The following CAMK2G variants were observed in gnomAD, a reference collection of about 807,000 sequenced individuals.
CAMK2G encodes calcium/calmodulin-dependent protein kinase type II subunit gamma.
Under a neutral mutation model 88.7 loss-of-function variants are expected in CAMK2G, and 23 were observed. The observed-to-expected ratio is 0.26, with a 90% confidence interval of 0.19 to 0.37. The LOEUF (loss-of-function observed/expected upper bound fraction) is 0.37. Among genes scored for constraint, CAMK2G ranks in the 10% least tolerant of loss-of-function variants. The pLI is 1.00. For missense variants in CAMK2G, 476 were observed against 780.8 expected (o/e 0.61, Z 4.65); for synonymous variants, 263 against 294.8 (o/e 0.89, Z 1.11).
rs770696711 is a variant in CAMK2G, at chr10:73,848,635, A to G, written c.518-26T>C. On this transcript the variant is annotated intron_variant, in intron 7 of 22. Transcript: ENST00000423381. The surrounding 1 kb of genome is among the most constrained non-coding windows in gnomAD (Gnocchi z 4.5). Reference sequence around the variant, plus strand: ...CTGTAGCAAAAGAGAGGGCAGAGGCATACTGAACCCACTTTCTCTCTCGTT... The same window carrying G: ...CTGTAGCAAAAGAGAGGGCAGAGGCGTACTGAACCCACTTTCTCTCTCGTT... The G allele has an allele frequency of 7.4e-6, 10 of 1,355,546 alleles. No homozygotes were observed. The East Asian group carries it at 2.3e-4, about 32-fold the overall frequency. 84.0% of individuals were successfully genotyped at this position (1,355,546 alleles called of 1,614,324 possible).
intron 1 of CAMK2G, 162 bp from the exon 2 acceptor site, chr10:73,873,245 C>T (rs1248267067): frequency 3.8e-6 from 4 of 1,056,766 alleles, no homozygotes; most frequent in Non-Finnish European, 5.5e-6. Flanking sequence ...CAACATGAGG[C>T]AAAAGGACGC....
At chr10:73,831,663 A>C (rs915184201) in intron 14 of CAMK2G, among the ~76,000 whole-genome samples, 12 of 150,766 alleles carry the variant, frequency 8.0e-5, no homozygotes, top group Non-Finnish European at 1.6e-4. Flanking sequence ...TGAGCTCAGG[A>C]GTTCAAGACT....
At chr10:73,832,625 C>A (rs1248754269) in intron 14 of CAMK2G, among the ~76,000 whole-genome samples, 1 of 152,066 alleles carries the variant, frequency 6.6e-6, no homozygotes, top group Non-Finnish European at 1.5e-5. Context: ...CCTTTATATA[C>A]CACTTCCTTC....
chr10:73,856,232 G>C (rs1003097324), intron 3 of CAMK2G, among the ~76,000 whole-genome samples: 3 of 152,208 alleles, frequency 2.0e-5, no homozygotes, highest in African/African-American at 4.8e-5. Flanking sequence ...TCTGACAGGA[G>C]AGGAAACTGA....
chr10:73,831,567 A>G (rs2092449089), intron 14 of CAMK2G, among the ~76,000 whole-genome samples: 1 of 148,228 alleles, frequency 6.7e-6, no homozygotes, highest in South Asian at 2.1e-4. Context: ...AAAGAAAGCA[A>G]TCTTTTAAGA....
chr10:73,851,809 G>A (rs1347627549), intron 5 of CAMK2G, among the ~76,000 whole-genome samples: 1 of 151,644 alleles, frequency 6.6e-6, no homozygotes, highest in African/African-American at 2.4e-5. Context: ...GCAGTGGCAT[G>A]ATCTTGGCTC....
At chr10:73,851,739 G>A (rs955306082) in intron 5 of CAMK2G, among the ~76,000 whole-genome samples, 16 of 81,676 alleles carry the variant, frequency 2.0e-4, no homozygotes, top group Non-Finnish European at 3.5e-4. Context: ...ATTTGGAAGT[G>A]ATTTTTTTTG....
intron 13 of CAMK2G, among the ~76,000 whole-genome samples, chr10:73,837,772 T>C (rs1209258375): frequency 6.6e-6 from 1 of 152,118 alleles, no homozygotes; most frequent in Non-Finnish European, 1.5e-5. Flanking sequence ...GAAACCATGC[T>C]CAGTACTGGA....
At chr10:73,851,683 G>C (rs2094627288) in intron 5 of CAMK2G, among the ~76,000 whole-genome samples, 1 of 150,372 alleles carries the variant, frequency 6.7e-6, no homozygotes, top group African/African-American at 2.5e-5. Flanking sequence ...AAGTATTTCT[G>C]GGGTCACAGG....
chr10:73,861,575 C>T (rs1049731846), intron 2 of CAMK2G, among the ~76,000 whole-genome samples: 6 of 152,098 alleles, frequency 3.9e-5, no homozygotes, highest in South Asian at 2.1e-4. Context: ...AGGTTGGTCT[C>T]GAACTCCTGA....
At chr10:73,857,664 C>A (rs1052134701) in intron 3 of CAMK2G, among the ~76,000 whole-genome samples, 1 of 152,172 alleles carries the variant, frequency 6.6e-6, no homozygotes, top group Admixed American at 6.5e-5. Flanking sequence ...GGCAGCTCAG[C>A]ACGAAGGAAG....
chr10:73,818,908 G>A (rs2086732657), intron 19 of CAMK2G: 1 of 443,182 alleles, frequency 2.3e-6, no homozygotes, highest in African/African-American at 2.0e-5. Flanking sequence ...AGAAATATGA[G>A]GATGAGCTAC....
At chr10:73,862,302 C>G (rs866419304) in intron 2 of CAMK2G, among the ~76,000 whole-genome samples, 10 of 135,374 alleles carry the variant, frequency 7.4e-5, no homozygotes, top group East Asian at 2.0e-4. Flanking sequence ...ACTCCACCCC[C>G]CCCCCCCCCG....
chr10:73,848,883 C>T lies in CAMK2G; in HGVS notation c.517+130G>A, dbSNP rs141761408. On this transcript the variant is annotated intron_variant, in intron 7 of 22. Transcript: ENST00000423381. This position sits in a 1 kb window ranked among gnomAD's most constrained non-coding sequence, Gnocchi z 4.5. Reference sequence around the variant, plus strand: ...CAGCTAGACTTACTGTACTGAGTCGCGTACGGCCAAGAGAGATCTCGGAGG... The same window carrying T: ...CAGCTAGACTTACTGTACTGAGTCGTGTACGGCCAAGAGAGATCTCGGAGG... 53 of 744,680 alleles carry T rather than the reference C, an allele frequency of 7.1e-5. No individual in the cohort carries two copies. In the East Asian group the frequency reaches 1.1e-3, roughly 15 times the overall value. The allele number at this position is 744,680 out of a possible 1,614,324, so 46.1% of individuals were successfully genotyped here.
At chr10:73,867,389 C>T (rs565085776) in intron 2 of CAMK2G, among the ~76,000 whole-genome samples, 10 of 152,404 alleles carry the variant, frequency 6.6e-5, no homozygotes, top group Non-Finnish European at 1.5e-4. Flanking sequence ...GGTCAGCCGT[C>T]TGTTCTCCAT....
chr10:73,873,381 AAC>A, intron 1 of CAMK2G: 1 of 1,275,716 alleles, frequency 7.8e-7, no homozygotes, highest in Non-Finnish European at 1.0e-6. Flanking sequence ...CGATGCTGAA[AAC>A]ACACACCTGC....
rs1554995765 is a variant in CAMK2G, at chr10:73,820,492, A to ATATATATTTTT, written c.1250-848_1250-847insAAAAATATATA. On this transcript the variant is annotated intron_variant, in intron 18 of 22. Coordinates refer to ENST00000423381, the MANE Select transcript of CAMK2G (RefSeq NM_001367534.1). The stretch of plus-strand genomic sequence containing the variant: ...TATATATATATATATATATATATAT[A>ATATATATTTTT]TTTTTTTTTTTTTTTTTTTCTTGAG... 3.3e-4 allele frequency among the ~76,000 whole-genome samples: 17 copies of ATATATATTTTT among 51,052 alleles called. 1 individual carries two copies. Among genetic ancestry groups the ATATATATTTTT allele is most frequent in the African/African-American group, 1.1e-3 (12 of 11,278 alleles). 33.5% of individuals were successfully genotyped at this position (51,052 alleles called of 152,430 possible). A position where few individuals can be genotyped will look rare whatever the true frequency, so the allele number is the denominator to read the frequency against.
rs542900703 is a variant in CAMK2G, at chr10:73,814,972, C to T, written c.*12+31G>A. ...CTGACCCCACCTATCCCAGGCCCTT[C>T]CAGCCCCTCTCCCCCGTCAACCAGG... is the stretch of plus-strand genomic sequence containing the variant. On this transcript the variant is annotated intron_variant, in intron 22 of 22. Transcript: ENST00000423381. 1.6e-5 allele frequency: 24 copies of T among 1,488,582 alleles called. No individual in the cohort carries two copies. In the African/African-American group the frequency reaches 3.2e-4, roughly 20 times the overall value. The allele number at this position is 1,488,582 out of a possible 1,614,324, so 92.2% of individuals were successfully genotyped here.
intron 20 of CAMK2G, 113 bp from the exon 21 acceptor site, chr10:73,817,230 C>G: frequency 1.4e-6 from 2 of 1,420,528 alleles, no homozygotes; most frequent in Non-Finnish European, 9.5e-7. Context: ...CCATGCCAGA[C>G]AAGACAGCAA....
Sources: gnomAD v4.1 joint callset for allele counts (sites outside exome capture counted in the v4.1 genomes callset) on GRCh38, gnomAD v4.1.1 for gene constraint, Gnocchi (gnomAD v3.1) non-coding constraint, MANE v1.5 for transcripts, NCBI Gene and HGNC (gene_info 2026-07-23, HGNC 2026-07-21) for gene names.